The following RYR3 variants were observed in gnomAD, a reference collection of about 807,000 sequenced individuals.
The protein encoded by RYR3 is ryanodine receptor 3.
In RYR3, 207 loss-of-function variants were observed where a neutral mutation model predicts 584.3. That is an observed-to-expected ratio of 0.35 (90% CI 0.32 to 0.40). The LOEUF (loss-of-function observed/expected upper bound fraction) is 0.40. RYR3 is among the 10% of genes least tolerant of loss of function. RYR3 has a pLI of 1.00. For synonymous variants in RYR3, 2,416 were observed against 2,248.5 expected, an observed-to-expected ratio of 1.07 and a Z score of -2.11; for missense variants, 5,616 against 6,089.2, an observed-to-expected ratio of 0.92 and a Z score of 2.59.
chr15:33,635,741 C>T lies in RYR3; in HGVS notation c.3303C>T (p.Val1101=), dbSNP rs752550511. 1.2e-5 allele frequency: 19 copies of T among 1,613,764 alleles called. No individual in the cohort carries two copies. The highest frequency in any genetic ancestry group is 6.7e-5 in the East Asian group (3 of 44,888). Residue 1101 remains valine (V), a synonymous_variant, in exon 26 of 104, where the codon GTC becomes GTT. Coordinates refer to ENST00000634891, the MANE Select transcript of RYR3 (RefSeq NM_001036.6). ...TGGTGACTGGAGGAGACATGCGAGT[C>T]GGCTGGGCGAGGCCAGGCTGTCGAC... ...FEVVTGGDMR[V]GWARPGCRPD... is the part of the protein sequence containing the mutation.
Position 33,780,336 on chromosome 15 carries a change from G to T in RYR3, c.9263G>T (p.Arg3088Met), listed in dbSNP as rs780806800. 9 of 1,613,524 alleles carry T rather than the reference G, an allele frequency of 5.6e-6. No homozygotes were observed. In the African/African-American group the frequency reaches 1.2e-4, roughly 22 times the overall value. The change falls in exon 65 of 104, where the codon AGG becomes ATG. Residue 3088 changes from arginine to methionine, a missense_variant. Arg to Met is a moderately conservative substitution (Grantham distance 91). Around this residue, in one of 9 missense-constraint regions of RYR3, gnomAD observed 954 missense variants for 1,132.2 expected, o/e 0.84. Transcript: ENST00000634891. ...SVFNTKTPRE[R>M]SILGMPDTVE... ...TTCAACACCAAAACCCCCAGGGAGA[G>T]GTCTAGTAAGTATCTCCCCTCAAAG...
chr15:33,553,904 G>A (rs75549123), intron 10 of RYR3, among the ~76,000 whole-genome samples: 12,804 of 152,142 alleles, frequency 0.084, 647 homozygotes, highest in Non-Finnish European at 0.1. Context: ...CTTCCATTGC[G>A]TCTCTTGCCA....
At chr15:33,489,049 T>G (rs2050741026) in intron 2 of RYR3, among the ~76,000 whole-genome samples, 1 of 152,194 alleles carries the variant, frequency 6.6e-6, no homozygotes, top group Admixed American at 6.5e-5. Flanking sequence ...GATCTGGCTT[T>G]GCTCTCCTTC....
intron 89 of RYR3, chr15:33,840,494 G>C: frequency 3.2e-6 from 1 of 316,408 alleles, no homozygotes; most frequent in Non-Finnish European, 5.8e-6. Flanking sequence ...ATCAAACTTG[G>C]TTTGATCTGT....
chr15:33,456,132 C>T (rs1427228393), intron 1 of RYR3, among the ~76,000 whole-genome samples: 1 of 152,158 alleles, frequency 6.6e-6, no homozygotes, highest in African/African-American at 2.4e-5. Flanking sequence ...TTTCGATCTC[C>T]TCTGCTATGT....
intron 3 of RYR3, among the ~76,000 whole-genome samples, chr15:33,522,046 G>T (rs1326738353): frequency 1.3e-5 from 2 of 148,200 alleles, no homozygotes; most frequent in Non-Finnish European, 3.0e-5. Flanking sequence ...CTGAGGTCAT[G>T]AGTTCGAGAC....
intron 43 of RYR3, among the ~76,000 whole-genome samples, chr15:33,713,200 AGAT>A (rs1399984676): frequency 3.3e-5 from 5 of 152,096 alleles, no homozygotes; most frequent in Admixed American, 6.5e-5. Flanking sequence ...GGGTGATGGT[AGAT>A]GATGGTGGGT....
At position 33,464,493 on chromosome 15, in the gene RYR3, CAT is replaced by C. The variant is rs761907118; in HGVS notation, c.52-8916_52-8915del. 8.2e-3 allele frequency among the ~76,000 whole-genome samples: 880 copies of C among 107,240 alleles called. 37 individuals carry two copies. Among genetic ancestry groups the C allele is most frequent in the African/African-American group, 0.029 (643 of 22,106 alleles). 70.4% of individuals were successfully genotyped at this position (107,240 alleles called of 152,430 possible). A position where few individuals can be genotyped will look rare whatever the true frequency, so the allele number is the denominator to read the frequency against. On this transcript the variant is annotated intron_variant, in intron 1 of 103. Coordinates refer to ENST00000634891, the MANE Select transcript of RYR3 (RefSeq NM_001036.6). ...ATATATATATATATATATATATACA[CAT>C]ATATATATACATACACATACACATA...
chr15:33,388,345 G>C (rs2041768432), intron 1 of RYR3, among the ~76,000 whole-genome samples: 1 of 152,174 alleles, frequency 6.6e-6, no homozygotes, highest in Non-Finnish European at 1.5e-5. Context: ...AGGGAAGATG[G>C]TATAGTGGAA....
Position 33,769,142 on chromosome 15 carries a change from T to A in RYR3, c.8786T>A (p.Leu2929His). The change falls in exon 62 of 104, where the codon CTT (leucine) becomes CAT (histidine). Residue 2929 changes from leucine (L) to histidine (H), a missense_variant. Physicochemically the swap from Leu to His is moderately conservative, Grantham distance 99 (BLOSUM62 -3). Coordinates refer to ENST00000634891, the MANE Select transcript of RYR3 (RefSeq NM_001036.6). Reference sequence around the variant, plus strand: ...GATTCTACTACAATGGTGAGCTGTCTTCACATCTTAGCTCAGACACTTGAC... The same window carrying A: ...GATTCTACTACAATGGTGAGCTGTCATCACATCTTAGCTCAGACACTTGAC... Reference protein sequence around the residue: ...GSDSTTMVSCLHILAQTLDTR... With the variant: ...GSDSTTMVSCHHILAQTLDTR... 6.2e-7 allele frequency: 1 copy of A among 1,613,694 alleles called. No homozygotes were observed. The highest frequency in any genetic ancestry group is 2.2e-5 in the East Asian group (1 of 44,874).
intron 24 of RYR3, among the ~76,000 whole-genome samples, chr15:33,633,843 G>T (rs990945830): frequency 1.7e-4 from 26 of 152,212 alleles, no homozygotes; most frequent in African/African-American, 6.0e-4. Context: ...TGAACACACT[G>T]TGGCTCTGCC....
chr15:33,490,297 C>T (rs573154493), intron 2 of RYR3, among the ~76,000 whole-genome samples: 1 of 152,196 alleles, frequency 6.6e-6, no homozygotes, highest in Admixed American at 6.5e-5. Context: ...CAAACAGCTG[C>T]CTTTGGGCCA....
chr15:33,690,132 A>G (rs2065308896), intron 38 of RYR3, among the ~76,000 whole-genome samples: 1 of 152,224 alleles, frequency 6.6e-6, no homozygotes, highest in Non-Finnish European at 1.5e-5. Context: ...GAGCAAAGTC[A>G]TTGCTGAAGG....
At chr15:33,735,065 C>A (rs1165468019) in intron 48 of RYR3, among the ~76,000 whole-genome samples, 1 of 152,090 alleles carries the variant, frequency 6.6e-6, no homozygotes, top group East Asian at 1.9e-4. Flanking sequence ...AGCTTTTCTT[C>A]TTGATCACTT....
chr15:33,475,362 A>G (rs558767015), intron 2 of RYR3, among the ~76,000 whole-genome samples: 1 of 152,054 alleles, frequency 6.6e-6, no homozygotes. Flanking sequence ...TATGGAAGAG[A>G]GTTTTTCCAC....
chr15:33,532,780 G>A (rs1259787053), intron 4 of RYR3, among the ~76,000 whole-genome samples: 1 of 152,094 alleles, frequency 6.6e-6, no homozygotes, highest in Admixed American at 6.5e-5. Flanking sequence ...TAACTACTGA[G>A]TCATCAGATA....
At chr15:33,814,985 G>T (rs1032363548) in intron 74 of RYR3, among the ~76,000 whole-genome samples, 2 of 149,808 alleles carry the variant, frequency 1.3e-5, no homozygotes, top group Non-Finnish European at 3.0e-5. Flanking sequence ...CAGGAGAATC[G>T]CTTGAACCTG....
At chr15:33,740,693 T>C (rs1015483254) in intron 51 of RYR3, among the ~76,000 whole-genome samples, 1 of 152,210 alleles carries the variant, frequency 6.6e-6, no homozygotes, top group Non-Finnish European at 1.5e-5. Context: ...GCATTTTAAA[T>C]GAAGAGCTCT....
intron 94 of RYR3, chr15:33,850,853 T>C (rs1039909842): frequency 2.6e-5 from 4 of 152,142 alleles, no homozygotes; most frequent in African/African-American, 9.7e-5. Flanking sequence ...TCATTAGTGG[T>C]TAGTAATATT....
Sources: gnomAD v4.1 joint callset for allele counts (sites outside exome capture counted in the v4.1 genomes callset) on GRCh38, gnomAD v4.1.1 for gene constraint, gnomAD v4.1.1 regional missense constraint, MANE v1.5 for transcripts, NCBI Gene and HGNC (gene_info 2026-07-23, HGNC 2026-07-21) for gene names.